The following DGKB variants were observed in gnomAD, a reference collection of about 807,000 sequenced individuals.
The protein encoded by DGKB is 90 kDa diacylglycerol kinase.
DGKB carries 67 observed loss-of-function variants against 114.3 expected under a neutral mutation model. The ratio of observed to expected loss-of-function variants is 0.59; its 90% CI spans 0.48 to 0.72. DGKB has a LOEUF of 0.72. Ranked by LOEUF, DGKB falls within the 30% of genes least tolerant of loss-of-function variation. The pLI, the probability that DGKB is intolerant of heterozygous loss-of-function variation, is 0.00. For synonymous variants in DGKB, 398 were observed against 323.1 expected (o/e 1.23, Z -2.49); for missense variants, 907 against 975.2 (o/e 0.93, Z 0.93).
chr7:14,789,099 G>C (rs956940897), intron 2 of DGKB, among the ~76,000 whole-genome samples: 1 of 151,470 alleles, frequency 6.6e-6, no homozygotes, highest in Non-Finnish European at 1.5e-5. Flanking sequence ...ATTAAATGTT[G>C]AAATTTGAGA....
At chr7:14,799,123 T>G (rs1398515038) in intron 2 of DGKB, among the ~76,000 whole-genome samples, 1 of 152,160 alleles carries the variant, frequency 6.6e-6, no homozygotes, top group African/African-American at 2.4e-5. Flanking sequence ...TTACTCCAAT[T>G]GAAACATCGG....
intron 21 of DGKB, among the ~76,000 whole-genome samples, chr7:14,365,436 G>C (rs920988671): frequency 2.0e-5 from 3 of 152,038 alleles, no homozygotes; most frequent in Non-Finnish European, 4.4e-5. Flanking sequence ...GAGTTAGAAG[G>C]AGAAGGGACA....
At chr7:14,451,085 G>A (rs1464013465) in intron 21 of DGKB, among the ~76,000 whole-genome samples, 1 of 151,978 alleles carries the variant, frequency 6.6e-6, no homozygotes, top group African/African-American at 2.4e-5. Flanking sequence ...TGCCATCTGG[G>A]AGACAGAATC....
At chr7:14,828,882 C>A (rs529427649) in intron 2 of DGKB, among the ~76,000 whole-genome samples, 102 of 152,194 alleles carry the variant, frequency 6.7e-4, no homozygotes, top group African/African-American at 2.3e-3. Context: ...TGCATCTGGG[C>A]AAACTGTGCT....
rs35058432 is a variant in DGKB at position 14,670,283 on chromosome 7, C to CTATATA, written c.1134+2640_1134+2645dup. 2.3e-4 allele frequency among the ~76,000 whole-genome samples: 34 copies of CTATATA among 146,696 alleles called. No homozygotes were observed. The South Asian group carries it at 5.2e-3, about 22-fold the overall frequency. On this transcript the variant is annotated intron_variant, in intron 13 of 25. Coordinates refer to ENST00000402815, the MANE Select transcript of DGKB (RefSeq NM_001350709.2). ...CTTGGCAGATTTTCAGTATGTTATA[C>CTATATA]TATATATATATATATATACACACAC...
chr7:14,940,702 G>C (rs1587423112), intron 1 of DGKB, among the ~76,000 whole-genome samples: 1 of 152,018 alleles, frequency 6.6e-6, no homozygotes, highest in East Asian at 1.9e-4. Flanking sequence ...ATAAGAATGT[G>C]TATATTAGCA....
intron 13 of DGKB, among the ~76,000 whole-genome samples, chr7:14,665,920 G>C (rs545339569): frequency 6.6e-6 from 1 of 151,824 alleles, no homozygotes; most frequent in African/African-American, 2.4e-5. Flanking sequence ...CTATTTTATC[G>C]ATTTCTGTGA....
chr7:14,549,199 T>C (rs1794755098), intron 20 of DGKB, among the ~76,000 whole-genome samples: 1 of 152,020 alleles, frequency 6.6e-6, no homozygotes, highest in African/African-American at 2.4e-5. Context: ...AAACAGAAAG[T>C]GAGTCAAGTG....
chr7:14,406,491 G>A (rs865886331), intron 21 of DGKB, among the ~76,000 whole-genome samples: 8 of 152,164 alleles, frequency 5.3e-5, no homozygotes, highest in Middle Eastern at 3.4e-3. Context: ...GGCTCTACAT[G>A]TCCAGGTACT....
At chr7:14,449,256 G>A (rs1037625871) in intron 21 of DGKB, among the ~76,000 whole-genome samples, 1 of 152,038 alleles carries the variant, frequency 6.6e-6, no homozygotes, top group African/African-American at 2.4e-5. Context: ...ATAGCCGAGT[G>A]TTAAATGTGG....
At chr7:14,742,297 ATCT>A (rs1586149966) in intron 4 of DGKB, among the ~76,000 whole-genome samples, 1 of 152,298 alleles carries the variant, frequency 6.6e-6, no homozygotes, top group Admixed American at 6.5e-5. Flanking sequence ...CAACTACTGG[ATCT>A]TCTTCTGTCT....
At chr7:14,368,303 T>C (rs978438631) in intron 21 of DGKB, among the ~76,000 whole-genome samples, 4 of 152,160 alleles carry the variant, frequency 2.6e-5, no homozygotes, top group African/African-American at 9.7e-5. Flanking sequence ...AACTGTATAA[T>C]GACAGGTATT....
intron 1 of DGKB, among the ~76,000 whole-genome samples, chr7:14,949,119 A>AT (rs1293310013): frequency 1.3e-5 from 2 of 151,860 alleles, no homozygotes; most frequent in African/African-American, 4.8e-5. Flanking sequence ...GCCAAACAAC[A>AT]TTTTTTACAA....
rs74546360 is a variant in DGKB, at chr7:14,769,527, GA to G, written c.71-11797del. On this transcript the variant is annotated intron_variant, in intron 2 of 25. Transcript: ENST00000402815. ...CCATCTCATAAATTTATTTAGTAAT[GA>G]AAAAAAAAACTGCCAAGAACATCAA... is the stretch of plus-strand genomic sequence containing the variant. 9.7e-5 allele frequency among the ~76,000 whole-genome samples: 14 copies of G among 144,952 alleles called. 1 individual carries two copies. The highest frequency in any genetic ancestry group is 2.5e-4 in the African/African-American group (10 of 39,744).
At position 14,283,398 on chromosome 7, in the gene DGKB, T is replaced by C. The variant is rs1233257909; in HGVS notation, c.2122+55117A>G. Among the ~76,000 whole-genome samples the C allele has an allele frequency of 2.0e-5, 3 of 151,512 alleles. No homozygotes were observed. The Admixed American group carries it at 2.0e-4, about 10-fold the overall frequency. ...CAAATGGAAGAACATTCCATGCTCA[T>C]GGGTAGGAAGAATCAATATTGTGAA... On this transcript the variant is annotated intron_variant, in intron 23 of 25. Transcript: ENST00000402815.
intron 21 of DGKB, among the ~76,000 whole-genome samples, chr7:14,474,224 T>G (rs1466741544): frequency 6.6e-6 from 1 of 152,166 alleles, no homozygotes; most frequent in Admixed American, 6.5e-5. Flanking sequence ...GTTCTTATGA[T>G]AGTGAGTAAG....
intron 20 of DGKB, among the ~76,000 whole-genome samples, chr7:14,562,905 T>C (rs900203687): frequency 5.9e-5 from 9 of 152,080 alleles, no homozygotes; most frequent in African/African-American, 2.2e-4. Flanking sequence ...GGATAGGAGA[T>C]TTGGGAGGGA....
intron 23 of DGKB, among the ~76,000 whole-genome samples, chr7:14,276,980 T>C (rs1244200273): frequency 6.6e-6 from 1 of 152,070 alleles, no homozygotes; most frequent in East Asian, 1.9e-4. Context: ...ATATCTTTTT[T>C]GTGGTGAGAT....
intron 4 of DGKB, among the ~76,000 whole-genome samples, chr7:14,747,775 G>GCGCGCGTGCGCGCGCACACACA: frequency 3.3e-5 from 5 of 149,278 alleles, no homozygotes; most frequent in African/African-American, 1.0e-4. Flanking sequence ...ACATCCACGC[G>GCGCGCGTGCGCGCGCACACACA]CACGCACACA....
Sources: gnomAD v4.1 joint callset for allele counts (sites outside exome capture counted in the v4.1 genomes callset) on GRCh38, gnomAD v4.1.1 for gene constraint, MANE v1.5 for transcripts, NCBI Gene and HGNC (gene_info 2026-07-23, HGNC 2026-07-21) for gene names.